SPMIP2: variants seen among roughly 807,000 people sequenced by gnomAD.
SPMIP2 encodes sperm microtubule inner protein 2.
At chr4:159,025,985 T>C in the SPMIP2 span, among the ~76,000 whole-genome samples, 1 of 152,222 alleles carries the variant, frequency 6.6e-6, no homozygotes, top group Non-Finnish European at 1.5e-5. Context: ...AATAATTTTT[T>C]CACATCCTGT....
At chr4:158,960,396 C>T in the SPMIP2 span, 51 of 1,056,786 alleles carry the variant, frequency 4.8e-5, 1 homozygote, top group South Asian at 1.0e-4. Flanking sequence ...AAGAGGTGGC[C>T]GGTCTAAGTA....
chr4:159,049,862 A>G, the SPMIP2 span, among the ~76,000 whole-genome samples: 1 of 152,230 alleles, frequency 6.6e-6, no homozygotes, highest in Admixed American at 6.5e-5. Flanking sequence ...GAGAGCTCAA[A>G]TATATACTGC....
At chr4:158,962,400 T>C in the SPMIP2 span, among the ~76,000 whole-genome samples, 6 of 152,318 alleles carry the variant, frequency 3.9e-5, no homozygotes, top group Non-Finnish European at 8.8e-5. Context: ...TCCATCTCTA[T>C]AACTATGAGT....
the SPMIP2 span, among the ~76,000 whole-genome samples, chr4:159,082,011 G>C: frequency 6.6e-6 from 1 of 151,910 alleles, no homozygotes; most frequent in Non-Finnish European, 1.5e-5. Context: ...GTTTACATGA[G>C]AGTTCTTTAA....
chr4:158,992,335 A>G, the SPMIP2 span, among the ~76,000 whole-genome samples: 8 of 152,244 alleles, frequency 5.3e-5, no homozygotes, highest in African/African-American at 1.9e-4. Flanking sequence ...TTCACAGCAT[A>G]TGAAAGTATA....
At chr4:159,034,211 T>G in the SPMIP2 span, among the ~76,000 whole-genome samples, 2 of 152,152 alleles carry the variant, frequency 1.3e-5, no homozygotes, top group Non-Finnish European at 2.9e-5. Flanking sequence ...CCACAACTAG[T>G]CATCTTCTAT....
chr4:158,933,466 T>C, the SPMIP2 span, among the ~76,000 whole-genome samples: 1 of 152,306 alleles, frequency 6.6e-6, no homozygotes, highest in East Asian at 1.9e-4. Context: ...TTCCTTTTGT[T>C]TCCACTTCTT....
chr4:158,995,829 C>T, the SPMIP2 span, among the ~76,000 whole-genome samples: 139 of 138,198 alleles, frequency 1.0e-3, no homozygotes, highest in Non-Finnish European at 1.8e-3. Flanking sequence ...CGCACTCCAG[C>T]CTGGCAACAG....
At chr4:158,913,887 G>A in the SPMIP2 span, among the ~76,000 whole-genome samples, 6 of 151,598 alleles carry the variant, frequency 4.0e-5, no homozygotes, top group African/African-American at 1.5e-4. Context: ...GGGGCATCAT[G>A]TCTGCAACTT....
chr4:158,976,872 C>T, the SPMIP2 span, among the ~76,000 whole-genome samples: 2 of 151,732 alleles, frequency 1.3e-5, no homozygotes, highest in Non-Finnish European at 1.5e-5. Flanking sequence ...ATGTTGGCCA[C>T]GATGGTCTCA....
the SPMIP2 span, among the ~76,000 whole-genome samples, chr4:158,956,963 G>A: frequency 3.3e-5 from 5 of 151,960 alleles, no homozygotes; most frequent in Non-Finnish European, 7.4e-5. Context: ...ATGGAGTCTC[G>A]CTCTATTGCC....
the SPMIP2 span, among the ~76,000 whole-genome samples, chr4:158,989,303 A>G: frequency 6.6e-6 from 1 of 152,316 alleles, no homozygotes; most frequent in South Asian, 2.1e-4. Context: ...AAATGGCCAT[A>G]CTGCCCAAAG....
the SPMIP2 span, among the ~76,000 whole-genome samples, chr4:158,902,383 A>G: frequency 6.6e-6 from 1 of 152,256 alleles, no homozygotes; most frequent in East Asian, 1.9e-4. Context: ...GGCACCCACC[A>G]GATTCCAGCC....
chr4:159,026,700 TAATA>T, the SPMIP2 span, among the ~76,000 whole-genome samples: 1 of 152,020 alleles, frequency 6.6e-6, no homozygotes, highest in South Asian at 2.1e-4. Flanking sequence ...TCCCTTTGGT[TAATA>T]AATAAATGTG....
At chr4:159,055,514 C>T in the SPMIP2 span, among the ~76,000 whole-genome samples, 4 of 152,170 alleles carry the variant, frequency 2.6e-5, no homozygotes, top group East Asian at 5.8e-4. Flanking sequence ...TTGAGACCAG[C>T]CTGGGCAACC....
the SPMIP2 span, among the ~76,000 whole-genome samples, chr4:158,951,443 A>T: frequency 2.6e-5 from 4 of 152,214 alleles, no homozygotes; most frequent in Admixed American, 1.3e-4. Flanking sequence ...GACATACCCA[A>T]ACATAGAAAA....
chr4:159,036,579 C>T, the SPMIP2 span, among the ~76,000 whole-genome samples: 1 of 152,160 alleles, frequency 6.6e-6, no homozygotes, highest in African/African-American at 2.4e-5. Context: ...ACCACCTTGC[C>T]CCCCACTTTC....
chr4:159,051,432 C>G, the SPMIP2 span, among the ~76,000 whole-genome samples: 1 of 152,204 alleles, frequency 6.6e-6, no homozygotes, highest in Non-Finnish European at 1.5e-5. Context: ...TGCCTCTCCC[C>G]ACAGTGCCTG....
the SPMIP2 span, among the ~76,000 whole-genome samples, chr4:158,984,807 A>C: frequency 6.6e-6 from 1 of 151,520 alleles, no homozygotes; most frequent in Non-Finnish European, 1.5e-5. Flanking sequence ...GGAAACAGAG[A>C]CACAAAAAAC....
Sources: gnomAD v4.1 joint callset for allele counts (sites outside exome capture counted in the v4.1 genomes callset) on GRCh38, gnomAD v4.1.1 for gene constraint, MANE v1.5 for transcripts, NCBI Gene and HGNC (gene_info 2026-07-23, HGNC 2026-07-21) for gene names.